POLH: variants seen among roughly 807,000 people sequenced by gnomAD.
The protein encoded by POLH is DNA polymerase eta, also known as DNA polymerase eta transcript.
A neutral mutation model predicts 73.6 loss-of-function variants in POLH; 53 were observed. That is an observed-to-expected ratio of 0.72 (90% CI 0.58 to 0.91). POLH has a LOEUF of 0.91. Ranked by LOEUF, POLH falls within the 40% of genes least tolerant of loss-of-function variation. The pLI, the probability that POLH is intolerant of heterozygous loss-of-function variation, is 0.00. For synonymous variants in POLH, 292 were observed against 308.5 expected, an observed-to-expected ratio of 0.95 and a Z score of 0.56; for missense variants, 768 against 865.4, an observed-to-expected ratio of 0.89 and a Z score of 1.41.
At chr6:43,592,361 A>G (rs1471066116) in intron 4 of POLH, among the ~76,000 whole-genome samples, 1 of 151,564 alleles carries the variant, frequency 6.6e-6, no homozygotes, top group Non-Finnish European at 1.5e-5. Context: ...TATAAGAGCT[A>G]GCAATCATGC....
At chr6:43,589,774 C>T (rs1208667210) in intron 4 of POLH, among the ~76,000 whole-genome samples, 2 of 151,686 alleles carry the variant, frequency 1.3e-5, no homozygotes, top group Non-Finnish European at 2.9e-5. Context: ...CCTCCCACCT[C>T]AGCCTCCAGA....
At chr6:43,580,984 G>C (rs1284031423) in intron 1 of POLH, among the ~76,000 whole-genome samples, 4 of 139,764 alleles carry the variant, frequency 2.9e-5, no homozygotes, top group Admixed American at 6.8e-5. Context: ...CTGGCCGGGC[G>C]GGGGGCTGAC....
chr6:43,599,640 T>C (rs1183455732), intron 5 of POLH, among the ~76,000 whole-genome samples: 1 of 150,976 alleles, frequency 6.6e-6, no homozygotes. Flanking sequence ...TTTTGGTGTT[T>C]TTTTTTTTCC....
At chr6:43,578,520 G>T in intron 1 of POLH, 1 of 334,982 alleles carries the variant, frequency 3.0e-6, no homozygotes, top group East Asian at 1.1e-4. Context: ...GCGAGACTTT[G>T]TCTCAAAAAA....
At chr6:43,596,343 C>T (rs1163746700) in intron 4 of POLH, among the ~76,000 whole-genome samples, 2 of 152,044 alleles carry the variant, frequency 1.3e-5, no homozygotes, top group Admixed American at 6.6e-5. Flanking sequence ...ATTAGCTGGG[C>T]GTGGTGGCAG....
intron 4 of POLH, among the ~76,000 whole-genome samples, chr6:43,593,784 G>A (rs1765731152): frequency 6.7e-6 from 1 of 150,254 alleles, no homozygotes; most frequent in African/African-American, 2.5e-5. Flanking sequence ...GGAGGGTAAG[G>A]CAGGAGAATT....
At chr6:43,590,593 T>C (rs2127784125) in intron 4 of POLH, among the ~76,000 whole-genome samples, 2 of 151,594 alleles carry the variant, frequency 1.3e-5, no homozygotes, top group South Asian at 4.2e-4. Context: ...GAAAGTGGAA[T>C]TCAGTTGTAT....
chr6:43,596,190 G>A (rs1312709968), intron 4 of POLH, among the ~76,000 whole-genome samples: 1 of 152,088 alleles, frequency 6.6e-6, no homozygotes, highest in East Asian at 1.9e-4. Context: ...ACAGAGTTAA[G>A]GGGTAAGAGC....
chr6:43,600,038 A>G (rs964402159), intron 5 of POLH, among the ~76,000 whole-genome samples: 33 of 152,080 alleles, frequency 2.2e-4, no homozygotes, highest in African/African-American at 7.9e-4. Context: ...CATGCCTGTA[A>G]TCCCAGCTAC....
intron 4 of POLH, among the ~76,000 whole-genome samples, chr6:43,594,159 T>G (rs568300780): frequency 3.7e-4 from 57 of 152,138 alleles, no homozygotes; most frequent in Admixed American, 2.5e-3. Context: ...TTACCCAATC[T>G]GGGAAAGCAA....
At chr6:43,582,116 G>A (rs1422652377) in intron 1 of POLH, among the ~76,000 whole-genome samples, 200 bp from the exon 2 acceptor site, 1 of 152,138 alleles carries the variant, frequency 6.6e-6, no homozygotes. Flanking sequence ...TGAAAAAAAT[G>A]CAAAATCTCA....
intron 4 of POLH, chr6:43,591,352 TG>T (rs1380349343): frequency 6.6e-6 from 1 of 152,156 alleles, no homozygotes; most frequent in East Asian, 1.9e-4. Flanking sequence ...CTGATTTTTT[TG>T]GTGTCACCCA....
chr6:43,605,423 A>G lies in POLH; in HGVS notation c.1074+104A>G, dbSNP rs143285001. On this transcript the variant is annotated intron_variant, in intron 9 of 10. Transcript: ENST00000372236. ...CAAAGACAGAAAAAAGTATTAGCAT[A>G]GGAAATATCCGTTTTCTTTCTTTTT... 6.7e-4 allele frequency: 422 copies of G among 627,200 alleles called. 5 individuals carry two copies. In the East Asian group the frequency reaches 0.013, roughly 19 times the overall value. The allele number at this position is 627,200 out of a possible 1,614,324, so 38.9% of individuals were successfully genotyped here. A position where few individuals can be genotyped will look rare whatever the true frequency, so the allele number is the denominator to read the frequency against.
At position 43,601,028 on chromosome 6, in the gene POLH, G is replaced by A. The variant is rs1361727170; in HGVS notation, c.701G>A (p.Arg234His). Residue 234 changes from arginine (R) to histidine (H), a missense_variant, in exon 6 of 11, where the codon CGC becomes CAC. By Grantham distance (29) the Arg-to-His change is conservative. Coordinates refer to ENST00000372236, the MANE Select transcript of POLH (RefSeq NM_006502.3). The part of the protein sequence containing the change: ...KLACGLNKPN[R>H]QTLVSHGSVP... ...GCCTGTGGACTAAACAAGCCCAACC[G>A]CCAAACCCTGGTTTCACATGGGTCA... The A allele has an allele frequency of 3.7e-6, 6 of 1,613,946 alleles. No homozygotes were observed. Among genetic ancestry groups the A allele is most frequent in the African/African-American group, 1.3e-5 (1 of 74,900 alleles).
intron 1 of POLH, 35 bp from the exon 2 acceptor site, chr6:43,582,281 G>GT (rs759343560): frequency 1.2e-6 from 2 of 1,607,354 alleles, no homozygotes; most frequent in East Asian, 4.5e-5. Flanking sequence ...TGGATTAGGT[G>GT]TTTTTCTAAC....
chr6:43,580,765 C>G (rs1489529225), intron 1 of POLH, among the ~76,000 whole-genome samples: 2 of 130,416 alleles, frequency 1.5e-5, no homozygotes, highest in Non-Finnish European at 3.3e-5. Context: ...GGGCGGGGGG[C>G]CGACCCCCCC....
intron 5 of POLH, among the ~76,000 whole-genome samples, chr6:43,600,286 C>T (rs946678984): frequency 1.1e-4 from 16 of 152,056 alleles, no homozygotes; most frequent in Admixed American, 3.9e-4. Flanking sequence ...GACATGGTGG[C>T]GCACACCTGT....
intron 9 of POLH, 124 bp downstream of exon 9, chr6:43,605,443 CTTTTTTTTTTTTT>C (rs540143863): frequency 6.8e-6 from 2 of 295,422 alleles, no homozygotes; most frequent in Admixed American, 5.5e-5. Flanking sequence ...CGTTTTCTTT[CTTTTTTTTTTTTT>C]TTTTTTTTTT....
Position 43,576,328 on chromosome 6 carries a change from C to A in POLH, c.-117C>A, listed in dbSNP as rs56300149. ...CTCGCTCGAAACTCACTGGACCGCT[C>A]CTAGAAAGGCGAAAAGATATTCAGG... is the stretch of plus-strand genomic sequence containing the variant. On this transcript the variant is annotated 5_prime_UTR_variant, in exon 1 of 11. Coordinates refer to ENST00000372236, the MANE Select transcript of POLH (RefSeq NM_006502.3). 6.5e-6 allele frequency: 1 copy of A among 153,300 alleles called. No homozygotes were observed. The highest frequency in any genetic ancestry group is 2.1e-4 in the South Asian group (1 of 4,858). 9.5% of individuals were successfully genotyped at this position (153,300 alleles called of 1,614,324 possible). A position where few individuals can be genotyped will look rare whatever the true frequency, so the allele number is the denominator to read the frequency against.
Sources: allele counts gnomAD v4.1 joint callset (sites outside exome capture counted in the v4.1 genomes callset), GRCh38; gene constraint gnomAD v4.1.1; transcripts MANE v1.5; gene names NCBI Gene and HGNC (gene_info 2026-07-23, HGNC 2026-07-21).